The following LRBA variants were observed in gnomAD, a reference collection of about 807,000 sequenced individuals.
The protein encoded by LRBA is lipopolysaccharide-responsive and beige-like anchor protein.
Under a neutral mutation model 330.0 loss-of-function variants are expected in LRBA, and 176 were observed. The ratio of observed to expected loss-of-function variants is 0.53; its 90% CI spans 0.47 to 0.60. LRBA has a LOEUF of 0.60. LRBA is among the 20% of genes least tolerant of loss of function. LRBA has a pLI of 0.00. For synonymous variants in LRBA, 1,230 were observed against 1,193.0 expected, an observed-to-expected ratio of 1.03 and a Z score of -0.64; for missense variants, 3,259 against 3,444.8, an observed-to-expected ratio of 0.95 and a Z score of 1.35.
At chr4:150,445,461 T>G (rs1752514175) in intron 44 of LRBA, among the ~76,000 whole-genome samples, 1 of 148,532 alleles carries the variant, frequency 6.7e-6, no homozygotes, top group Non-Finnish European at 1.5e-5. Flanking sequence ...AACGCTGAGT[T>G]GGGAAACTGT....
At chr4:150,461,668 T>C (rs767251319) in intron 44 of LRBA, among the ~76,000 whole-genome samples, 2 of 151,822 alleles carry the variant, frequency 1.3e-5, no homozygotes, top group African/African-American at 4.8e-5. Flanking sequence ...TTAACAATAA[T>C]AATAAAGTGG....
intron 49 of LRBA, among the ~76,000 whole-genome samples, chr4:150,325,115 A>G (rs1025433865): frequency 6.6e-6 from 1 of 152,128 alleles, no homozygotes; most frequent in Non-Finnish European, 1.5e-5. Context: ...GTCTGTCTTC[A>G]TTCTCATGGG....
intron 47 of LRBA, among the ~76,000 whole-genome samples, chr4:150,406,833 T>A (rs1746264406): frequency 6.6e-6 from 1 of 152,068 alleles, no homozygotes; most frequent in Non-Finnish European, 1.5e-5. Flanking sequence ...CAGGCTGGAG[T>A]GCAGTGGCAT....
chr4:150,928,475 A>G (rs1162030036), intron 4 of LRBA, 41 bp downstream of exon 4: 1 of 1,200,354 alleles, frequency 8.3e-7, no homozygotes, highest in Non-Finnish European at 1.2e-6. Context: ...GTTTGGGAGG[A>G]GCATACTTTA....
At chr4:150,927,022 G>T (rs1733949505) in intron 4 of LRBA, among the ~76,000 whole-genome samples, 1 of 150,194 alleles carries the variant, frequency 6.7e-6, no homozygotes. Context: ...AGTGAGCAGA[G>T]ATCGCACCAC....
chr4:150,840,932 A>C, intron 28 of LRBA: 1 of 1,128,718 alleles, frequency 8.9e-7, no homozygotes, highest in Non-Finnish European at 1.1e-6. Flanking sequence ...TCAGTTTCAG[A>C]AAAATAGAAG....
chr4:150,852,906 A>G lies in LRBA; in HGVS notation c.2804T>C (p.Ile935Thr). Residue 935 changes from isoleucine to threonine, a missense_variant, in exon 23 of 57, where the codon ATA becomes ACA. Transcript: ENST00000651943. ...AACTTTTCCTTGCTGTTCCCTAAAT[A>G]TATTGGCAAGGTTTTCTTTGTGTAT... ...FEIHKENLAN[I>T]FREQQGKVDE... is the part of the protein sequence containing the mutation. 2 of 1,592,190 alleles carry G rather than the reference A, an allele frequency of 1.3e-6. No individual in the cohort carries two copies. The highest frequency in any genetic ancestry group is 1.7e-6 in the Non-Finnish European group (2 of 1,170,618).
At chr4:150,957,853 T>A in intron 2 of LRBA, among the ~76,000 whole-genome samples, 1 of 149,160 alleles carries the variant, frequency 6.7e-6, no homozygotes, top group East Asian at 1.9e-4. Flanking sequence ...TCCAAAATGA[T>A]CTCCTTTGAC....
intron 2 of LRBA, among the ~76,000 whole-genome samples, chr4:150,960,736 T>A (rs927967304): frequency 6.7e-6 from 1 of 149,158 alleles, no homozygotes; most frequent in Non-Finnish European, 1.5e-5. Flanking sequence ...GTTTGGTTTT[T>A]CAATAGTTAC....
At chr4:150,689,228 A>G (rs959520035) in intron 36 of LRBA, among the ~76,000 whole-genome samples, 4 of 152,152 alleles carry the variant, frequency 2.6e-5, no homozygotes, top group Non-Finnish European at 2.9e-5. Flanking sequence ...CAAACACCGC[A>G]TGTTCTCACT....
At chr4:150,604,426 A>C (rs986212119) in intron 37 of LRBA, among the ~76,000 whole-genome samples, 2 of 152,110 alleles carry the variant, frequency 1.3e-5, no homozygotes, top group Non-Finnish European at 2.9e-5. Context: ...GGAATTATAA[A>C]GTTTAGATTT....
chr4:150,875,062 G>A (rs1398928546), intron 17 of LRBA, among the ~76,000 whole-genome samples: 2 of 152,120 alleles, frequency 1.3e-5, no homozygotes. Flanking sequence ...GAACCTCTCT[G>A]CTCCATGGCC....
At chr4:150,922,028 T>A (rs907953761) in intron 4 of LRBA, among the ~76,000 whole-genome samples, 4 of 151,818 alleles carry the variant, frequency 2.6e-5, no homozygotes, top group African/African-American at 9.7e-5. Context: ...CGGCCTATAT[T>A]TTTTGTATTT....
chr4:150,409,736 AATCT>A (rs939158572), intron 47 of LRBA, among the ~76,000 whole-genome samples: 1 of 152,176 alleles, frequency 6.6e-6, no homozygotes, highest in African/African-American at 2.4e-5. Context: ...GAGAATTAAC[AATCT>A]ATCAATATGG....
At chr4:150,564,536 G>A (rs1471313197) in intron 40 of LRBA, among the ~76,000 whole-genome samples, 1 of 152,076 alleles carries the variant, frequency 6.6e-6, no homozygotes, top group Non-Finnish European at 1.5e-5. Context: ...ATAGACAAAT[G>A]GGATCTAATT....
At chr4:150,675,176 G>A (rs913426999) in intron 37 of LRBA, among the ~76,000 whole-genome samples, 3 of 152,144 alleles carry the variant, frequency 2.0e-5, no homozygotes, top group Admixed American at 1.3e-4. Flanking sequence ...CTGGGTGGCA[G>A]AGCAAGACCC....
At chr4:150,789,353 A>G (rs1010114555) in intron 34 of LRBA, among the ~76,000 whole-genome samples, 2 of 152,192 alleles carry the variant, frequency 1.3e-5, no homozygotes, top group African/African-American at 2.4e-5. Flanking sequence ...GAATTTTCAT[A>G]TTATAAAATA....
intron 40 of LRBA, among the ~76,000 whole-genome samples, chr4:150,499,477 T>C (rs1045467951): frequency 6.6e-6 from 1 of 152,036 alleles, no homozygotes; most frequent in Non-Finnish European, 1.5e-5. Flanking sequence ...ATCCCATCTC[T>C]ACAAAAAATA....
In LRBA at chr4:150,851,867, G is replaced by A. The variant is rs1448212605; in HGVS notation, c.3825+18C>T. The A allele has an allele frequency of 5.1e-6, 8 of 1,578,482 alleles. No homozygotes were observed. The Middle Eastern group carries it at 6.8e-4, about 134-fold the overall frequency. ...ACTCAGTGCAAAAGTACTTGAATAA[G>A]ACAATATATAAAATCACCTCAAGCA... On this transcript the variant is annotated intron_variant, in intron 23 of 56. Coordinates refer to ENST00000651943, the MANE Select transcript of LRBA (RefSeq NM_001364905.1).
Sources: gnomAD v4.1 joint callset for allele counts (sites outside exome capture counted in the v4.1 genomes callset) on GRCh38, gnomAD v4.1.1 for gene constraint, MANE v1.5 for transcripts, NCBI Gene and HGNC (gene_info 2026-07-23, HGNC 2026-07-21) for gene names.